DNAJB6: variants seen among roughly 807,000 people sequenced by gnomAD.
DNAJB6 encodes DnaJ heat shock protein family (Hsp40) member B6.
A neutral mutation model predicts 42.7 loss-of-function variants in DNAJB6; 16 were observed. The observed-to-expected ratio is 0.37, with a 90% CI of 0.25 to 0.57. The LOEUF (loss-of-function observed/expected upper bound fraction) is 0.57. Ranked by LOEUF, DNAJB6 falls within the 20% of genes least tolerant of loss-of-function variation. The pLI is 0.74. For synonymous variants in DNAJB6, 170 were observed against 163.5 expected, an observed-to-expected ratio of 1.04 and a Z score of -0.30; for missense variants, 347 against 416.8, an observed-to-expected ratio of 0.83 and a Z score of 1.46.
At chr7:157,401,028 C>G (rs10440910) in intron 8 of DNAJB6, among the ~76,000 whole-genome samples, 77,937 of 151,864 alleles carry the variant, frequency 0.51, 20,986 homozygotes, top group African/African-American at 0.69. Flanking sequence ...GCTGTGGTCC[C>G]TGCTTTGCCG....
chr7:157,370,544 A>G (rs1800158343), intron 5 of DNAJB6, among the ~76,000 whole-genome samples: 1 of 152,202 alleles, frequency 6.6e-6, no homozygotes, highest in African/African-American at 2.4e-5. Context: ...CTGATACACC[A>G]AGCCATAGAG....
rs551697186 is a variant in DNAJB6 at position 157,371,830 on chromosome 7, A to G, written c.346+4347A>G. Reference sequence around the variant, plus strand: ...CCTGATAATAGTGCCTTTTGATCCCATTAGTCACAGCAGGCATTACATCTG... The same window carrying G: ...CCTGATAATAGTGCCTTTTGATCCCGTTAGTCACAGCAGGCATTACATCTG... On this transcript the variant is annotated intron_variant, in intron 5 of 9. Transcript: ENST00000262177. Among the ~76,000 whole-genome samples, 324 of 152,344 alleles carry G rather than the reference A, an allele frequency of 2.1e-3. 2 individuals carry two copies. Among genetic ancestry groups the G allele is most frequent in the African/African-American group, 7.1e-3 (296 of 41,572 alleles).
chr7:157,415,775 A>T (rs980558198), intron 9 of DNAJB6, among the ~76,000 whole-genome samples: 39 of 152,116 alleles, frequency 2.6e-4, no homozygotes, highest in Admixed American at 1.3e-4. Context: ...GCTGGGCGGA[A>T]CTCGGGTAGG....
In DNAJB6 at chr7:157,358,542, T is replaced by G; in HGVS notation, c.-26-5T>G. Reference sequence around the variant, plus strand: ...TCATCACTGACCACCTGTTTTTACTTGCAGGACCCATTCCAACAATCTCGT... The same window carrying G: ...TCATCACTGACCACCTGTTTTTACTGGCAGGACCCATTCCAACAATCTCGT... On this transcript the variant is annotated splice_polypyrimidine_tract_variant and splice_region_variant and intron_variant, in intron 1 of 9. Transcript: ENST00000262177. The G allele has an allele frequency of 6.2e-7, 1 of 1,602,626 alleles. No individual in the cohort carries two copies. Among genetic ancestry groups the G allele is most frequent in the Non-Finnish European group, 8.5e-7 (1 of 1,170,244 alleles).
intron 5 of DNAJB6, chr7:157,381,260 T>C (rs1800753223): frequency 6.6e-6 from 1 of 152,188 alleles, no homozygotes; most frequent in South Asian, 2.1e-4. Context: ...GGCCTGCAAG[T>C]AGGCCGTACT....
intron 8 of DNAJB6, among the ~76,000 whole-genome samples, chr7:157,393,596 C>G (rs1411400382): frequency 6.6e-6 from 1 of 152,184 alleles, no homozygotes; most frequent in East Asian, 1.9e-4. Flanking sequence ...CCGTCCATGC[C>G]CTGCCTACCC....
At chr7:157,391,192 G>A (rs536851962) in intron 8 of DNAJB6, among the ~76,000 whole-genome samples, 1 of 152,340 alleles carries the variant, frequency 6.6e-6, no homozygotes, top group South Asian at 2.1e-4. Flanking sequence ...AGTTGGAGCA[G>A]AAGCTCGGGG....
chr7:157,397,146 G>T (rs1343639477), intron 8 of DNAJB6, among the ~76,000 whole-genome samples: 1 of 152,242 alleles, frequency 6.6e-6, no homozygotes, highest in Non-Finnish European at 1.5e-5. Context: ...CCCGTGTGAA[G>T]CCAGCCCCGT....
chr7:157,397,136 C>G (rs1201896538), intron 8 of DNAJB6, among the ~76,000 whole-genome samples: 1 of 152,224 alleles, frequency 6.6e-6, no homozygotes, highest in Non-Finnish European at 1.5e-5. Flanking sequence ...CCCTGCGAGG[C>G]CCGTGTGAAG....
At chr7:157,373,659 A>G (rs887337239) in intron 5 of DNAJB6, among the ~76,000 whole-genome samples, 2 of 152,116 alleles carry the variant, frequency 1.3e-5, no homozygotes, top group African/African-American at 4.8e-5. Context: ...CCAAAGTTAG[A>G]TGTGTTAATG....
At chr7:157,338,085 T>G (rs185191606) in intron 1 of DNAJB6, among the ~76,000 whole-genome samples, 1 of 152,326 alleles carries the variant, frequency 6.6e-6, no homozygotes, top group African/African-American at 2.4e-5. Context: ...TTGCGAATTT[T>G]AGTAAGGATT....
At chr7:157,340,951 C>G (rs977680320) in intron 1 of DNAJB6, among the ~76,000 whole-genome samples, 2 of 150,984 alleles carry the variant, frequency 1.3e-5, no homozygotes, top group Non-Finnish European at 3.0e-5. Context: ...CAGGCGTGAC[C>G]CACCGCACCT....
chr7:157,368,187 A>C (rs1307860983), intron 5 of DNAJB6, among the ~76,000 whole-genome samples: 1 of 152,220 alleles, frequency 6.6e-6, no homozygotes, highest in African/African-American at 2.4e-5. Context: ...TTACAGCTTG[A>C]AAAATTAAAA....
chr7:157,390,156 C>G (rs1165105176), intron 8 of DNAJB6, among the ~76,000 whole-genome samples: 1 of 152,250 alleles, frequency 6.6e-6, no homozygotes, highest in African/African-American at 2.4e-5. Context: ...GCCCTTGATT[C>G]AGAGATGCCC....
rs1796109377 is a variant in DNAJB6, at chr7:157,416,477, A to C, written c.*379A>C. On this transcript the variant is annotated 3_prime_UTR_variant, in exon 10 of 10. Coordinates refer to ENST00000262177, the MANE Select transcript of DNAJB6 (RefSeq NM_058246.4). ...ATGGCTAACTGAGTAACATTCATGA[A>C]ATGAGGCTTTCTGTGGCGGCGTAGT... is the stretch of plus-strand genomic sequence containing the variant. 1 of 199,674 alleles carries C rather than the reference A, an allele frequency of 5.0e-6. No individual in the cohort carries two copies. Among genetic ancestry groups the C allele is most frequent in the South Asian group, 1.1e-4 (1 of 9,068 alleles). The allele number at this position is 199,674 out of a possible 1,614,324, so 12.4% of individuals were successfully genotyped here.
chr7:157,414,832 C>T (rs1796073490), intron 9 of DNAJB6: 1 of 152,296 alleles, frequency 6.6e-6, no homozygotes, highest in African/African-American at 2.4e-5. Context: ...TGTGTTTGCC[C>T]CACTGTGGTC....
Position 157,416,098 on chromosome 7 carries a change from G to A in DNAJB6, c.981G>A (p.Ter327=), listed in dbSNP as rs1443631898. ...KKKKSTKGNH[*] Reference sequence around the variant, plus strand: ...AGAAGTCGACCAAAGGCAATCACTAGACCGGACTTGAGGCACGCGGTGCAC... The same window carrying A: ...AGAAGTCGACCAAAGGCAATCACTAAACCGGACTTGAGGCACGCGGTGCAC... Residue 327 remains the stop codon, a stop_retained_variant, in exon 10 of 10, where the codon TAG becomes TAA. Coordinates refer to ENST00000262177, the MANE Select transcript of DNAJB6 (RefSeq NM_058246.4). 1.9e-6 allele frequency: 3 copies of A among 1,613,248 alleles called. No individual in the cohort carries two copies. The highest frequency in any genetic ancestry group is 1.7e-5 in the Admixed American group (1 of 59,810).
chr7:157,365,974 C>CA (rs1799824469), intron 3 of DNAJB6, among the ~76,000 whole-genome samples: 1 of 145,636 alleles, frequency 6.9e-6, no homozygotes, highest in South Asian at 2.2e-4. Context: ...AAGTCCCCCC[C>CA]GCGCCTACTC....
At chr7:157,342,439 G>A (rs538587727) in intron 1 of DNAJB6, among the ~76,000 whole-genome samples, 14 of 140,524 alleles carry the variant, frequency 1.0e-4, no homozygotes, top group African/African-American at 3.4e-4. Flanking sequence ...CCAGGTTCAA[G>A]CGATTCTCCT....
Sources: allele counts gnomAD v4.1 joint callset (sites outside exome capture counted in the v4.1 genomes callset), GRCh38; gene constraint gnomAD v4.1.1; transcripts MANE v1.5; gene names NCBI Gene and HGNC (gene_info 2026-07-23, HGNC 2026-07-21).